LRCH3: variants seen among roughly 807,000 people sequenced by gnomAD.
The protein encoded by LRCH3 is leucine rich repeats and calponin homology domain containing 3.
A neutral mutation model predicts 104.5 loss-of-function variants in LRCH3; 68 were observed. The observed-to-expected ratio is 0.65, with a 90% confidence interval of 0.54 to 0.80. LRCH3 has a LOEUF of 0.80. Ranked by LOEUF, LRCH3 falls within the 30% of genes least tolerant of loss-of-function variation. LRCH3 has a pLI of 0.00. For synonymous variants in LRCH3, 344 were observed against 361.3 expected (o/e 0.95, Z 0.54); for missense variants, 951 against 953.9 (o/e 1.00, Z 0.04).
intron 11 of LRCH3, 26 bp from the exon 12 acceptor site, chr3:197,847,846 T>C (rs774256046): frequency 6.2e-7 from 1 of 1,610,096 alleles, no homozygotes; most frequent in Non-Finnish European, 8.5e-7. Flanking sequence ...TTTACTTTTG[T>C]ATGCACAATA....
chr3:197,813,131 G>A (rs1163213961), intron 1 of LRCH3, among the ~76,000 whole-genome samples: 1 of 152,074 alleles, frequency 6.6e-6, no homozygotes, highest in East Asian at 1.9e-4. Flanking sequence ...TATATTTATG[G>A]GGTCTGTGAG....
At chr3:197,823,109 C>A (rs2109231409) in intron 4 of LRCH3, 1 of 140,334 alleles carries the variant, frequency 7.1e-6, no homozygotes, top group Non-Finnish European at 1.6e-5. Context: ...AGGTGCCCGC[C>A]ACCATGCCCA....
intron 15 of LRCH3, among the ~76,000 whole-genome samples, chr3:197,863,104 G>C (rs966263244): frequency 6.6e-6 from 1 of 152,142 alleles, no homozygotes; most frequent in African/African-American, 2.4e-5. Context: ...GGTAGGGAAA[G>C]TATGGGAGCA....
At chr3:197,881,920 C>T in intron 20 of LRCH3, 2 of 985,370 alleles carry the variant, frequency 2.0e-6, no homozygotes, top group Non-Finnish European at 1.2e-6. Flanking sequence ...TTTCACAGGT[C>T]AAAAGACTGT....
At chr3:197,879,510 G>T (rs111590582) in intron 20 of LRCH3, among the ~76,000 whole-genome samples, 3,637 of 146,926 alleles carry the variant, frequency 0.025, 243 homozygotes, top group African/African-American at 0.091. Context: ...GCCGGGCGTG[G>T]TGGCGGGCGC....
At chr3:197,792,033 GA>G in intron 1 of LRCH3, among the ~76,000 whole-genome samples, 1 of 152,050 alleles carries the variant, frequency 6.6e-6, no homozygotes, top group East Asian at 1.9e-4. Flanking sequence ...AAGTGGACCC[GA>G]AAGAAGTGTT....
chr3:197,838,312 A>T (rs1737204503), intron 9 of LRCH3, among the ~76,000 whole-genome samples: 1 of 152,232 alleles, frequency 6.6e-6, no homozygotes, highest in Admixed American at 6.5e-5. Context: ...TTATTTTTGC[A>T]TCAGAGTTGT....
rs1739970557 is a variant in LRCH3, at chr3:197,854,113, C to T, written c.1591-279C>T. ...TAGGTTCTTTATGTTATTGTTACAT[C>T]TCTCTCCAGCTTTCTGTTCCCTCCT... On this transcript the variant is annotated intron_variant, in intron 13 of 20. Transcript: ENST00000425562. This position sits in a 1 kb window ranked among gnomAD's most constrained non-coding sequence, Gnocchi z 4.5. Among the ~76,000 whole-genome samples, 1 of 152,050 alleles carries T rather than the reference C, an allele frequency of 6.6e-6. No homozygotes were observed. The highest frequency in any genetic ancestry group is 6.6e-5 in the Admixed American group (1 of 15,234).
At position 197,854,160 on chromosome 3, in the gene LRCH3, A is replaced by G. The variant is rs1413861194; in HGVS notation, c.1591-232A>G. Among the ~76,000 whole-genome samples the G allele has an allele frequency of 1.3e-5, 2 of 152,194 alleles. No individual in the cohort carries two copies. The highest frequency in any genetic ancestry group is 6.5e-5 in the Admixed American group (1 of 15,270). On this transcript the variant is annotated intron_variant, in intron 13 of 20. Transcript: ENST00000425562. This position sits in a 1 kb window ranked among gnomAD's most constrained non-coding sequence, Gnocchi z 4.5. The stretch of plus-strand genomic sequence containing the variant: ...TCCTTGCTTTGTAAGGTTTTAGGCA[A>G]TAAGATCGTATTTGAAGTTGTTTAA...
In LRCH3 at chr3:197,875,548, G is replaced by A. The variant is rs1712791744; in HGVS notation, c.2131-150G>A. ...ATGCAACTATAGTCCCAGCTACTTG[G>A]GAGGCTGAGGTGGGAGGATCACCTG... On this transcript the variant is annotated intron_variant, in intron 19 of 20. Coordinates refer to ENST00000425562, the MANE Select transcript of LRCH3 (RefSeq NM_001365715.1). 57 of 580,142 alleles carry A rather than the reference G, an allele frequency of 9.8e-5. 1 individual carries two copies. In the South Asian group the frequency reaches 1.2e-3, roughly 12 times the overall value. The allele number at this position is 580,142 out of a possible 1,614,324, so 35.9% of individuals were successfully genotyped here. A position where few individuals can be genotyped will look rare whatever the true frequency, so the allele number is the denominator to read the frequency against.
chr3:197,821,686 T>C (rs1392909558), intron 4 of LRCH3, among the ~76,000 whole-genome samples: 1 of 152,234 alleles, frequency 6.6e-6, no homozygotes, highest in Non-Finnish European at 1.5e-5. Flanking sequence ...ATATTTTGTT[T>C]GTTTTGAGAC....
At chr3:197,864,617 AAAAAAAC>A (rs1265080087) in intron 15 of LRCH3, among the ~76,000 whole-genome samples, 7 of 140,078 alleles carry the variant, frequency 5.0e-5, no homozygotes, top group East Asian at 3.8e-4. Flanking sequence ...TCTCAAAAAA[AAAAAAAC>A]AAAAAACAAA....
chr3:197,840,972 A>G (rs1737722179), intron 10 of LRCH3, among the ~76,000 whole-genome samples: 1 of 152,132 alleles, frequency 6.6e-6, no homozygotes, highest in Middle Eastern at 3.2e-3. Flanking sequence ...GGTGAAGCTC[A>G]AGAGCTCCAG....
intron 6 of LRCH3, among the ~76,000 whole-genome samples, chr3:197,830,450 AGAACCTCTCAGGCCTTCTCTT>A (rs1169646509): frequency 6.6e-6 from 1 of 152,206 alleles, no homozygotes; most frequent in Non-Finnish European, 1.5e-5. Flanking sequence ...TACTCAAAAG[AGAACCTCTCAGGCCTTCTCTT>A]GAACCTCTCA....
In LRCH3 at chr3:197,848,041, C is replaced by A. The variant is rs74570124; in HGVS notation, c.1530+20C>A. On this transcript the variant is annotated intron_variant, in intron 12 of 20. Transcript: ENST00000425562. Reference sequence around the variant, plus strand: ...GTCAAAGTGAGTCGTTTGAATGATGCTGTTCAAGCTGCTGACTGGCTAAGT... The same window carrying A: ...GTCAAAGTGAGTCGTTTGAATGATGATGTTCAAGCTGCTGACTGGCTAAGT... 5,663 of 1,612,550 alleles carry A rather than the reference C, an allele frequency of 3.5e-3. 174 individuals are homozygous for A. In the African/African-American group the frequency reaches 0.064, roughly 18 times the overall value.
At chr3:197,845,835 G>A (rs915376685) in intron 10 of LRCH3, among the ~76,000 whole-genome samples, 3 of 152,224 alleles carry the variant, frequency 2.0e-5, no homozygotes, top group Admixed American at 1.3e-4. Flanking sequence ...AACCTGGGAG[G>A]TGGAGGTTGT....
intron 20 of LRCH3, 194 bp downstream of exon 20, chr3:197,875,969 TTATAAA>T (rs1312652611): frequency 4.7e-6 from 2 of 422,790 alleles, no homozygotes; most frequent in South Asian, 5.5e-5. Flanking sequence ...CACAAAGAAA[TTATAAA>T]TATATAGATT....
intron 17 of LRCH3, among the ~76,000 whole-genome samples, chr3:197,867,344 A>T (rs1365406622): frequency 6.6e-6 from 1 of 150,458 alleles, no homozygotes; most frequent in Non-Finnish European, 1.5e-5. Context: ...TGAACCCAGG[A>T]GGTGGAGGCT....
chr3:197,817,106 G>A lies in LRCH3; in HGVS notation c.408-70G>A, dbSNP rs573533559. 3.9e-5 allele frequency: 55 copies of A among 1,406,832 alleles called. 1 individual carries two copies. Among genetic ancestry groups the A allele is most frequent in the South Asian group, 2.0e-4 (15 of 75,984 alleles). The allele number at this position is 1,406,832 out of a possible 1,614,324, so 87.1% of individuals were successfully genotyped here. A position where few individuals can be genotyped will look rare whatever the true frequency, so the allele number is the denominator to read the frequency against. ...TATTTGTTATTTTACTGAGTATAGC[G>A]TGAGAAAGAGAGAAAATTTTTCTTC... On this transcript the variant is annotated intron_variant, in intron 2 of 20. Transcript: ENST00000425562.
Sources: gnomAD v4.1 joint callset for allele counts (sites outside exome capture counted in the v4.1 genomes callset) on GRCh38, gnomAD v4.1.1 for gene constraint, Gnocchi (gnomAD v3.1) non-coding constraint, MANE v1.5 for transcripts, NCBI Gene and HGNC (gene_info 2026-07-23, HGNC 2026-07-21) for gene names.